FOXP1: variants seen among roughly 807,000 people sequenced by gnomAD.
FOXP1 encodes forkhead box protein P1.
In FOXP1, 15 loss-of-function variants were observed where a neutral mutation model predicts 98.2. That is an observed-to-expected ratio of 0.15 (90% CI 0.10 to 0.24). The LOEUF (loss-of-function observed/expected upper bound fraction) is 0.24. Among genes scored for constraint, FOXP1 ranks in the 10% least tolerant of loss-of-function variants. The pLI, the probability that FOXP1 is intolerant of heterozygous loss-of-function variation, is 1.00. For missense variants in FOXP1, 633 were observed against 848.5 expected, an observed-to-expected ratio of 0.75 and a Z score of 3.15; for synonymous variants, 371 against 314.5, an observed-to-expected ratio of 1.18 and a Z score of -1.90.
chr3:71,163,291 AAGTCAGC>A (rs1343297580), intron 6 of FOXP1, among the ~76,000 whole-genome samples: 1 of 152,228 alleles, frequency 6.6e-6, no homozygotes, highest in Non-Finnish European at 1.5e-5. Context: ...GTGGACAAAT[AAGTCAGC>A]AGCAAAAATT....
intron 5 of FOXP1, among the ~76,000 whole-genome samples, chr3:71,203,096 C>A (rs954022243): frequency 3.7e-4 from 57 of 152,172 alleles, no homozygotes; most frequent in African/African-American, 1.4e-3. Flanking sequence ...TATGGCCACA[C>A]CATACCCACA....
intron 2 of FOXP1, among the ~76,000 whole-genome samples, chr3:71,497,288 C>A (rs1194247806): frequency 1.3e-5 from 2 of 152,082 alleles, no homozygotes; most frequent in African/African-American, 4.8e-5. Flanking sequence ...AAGTTTATCA[C>A]CTCTCTATAA....
At chr3:71,350,226 C>T (rs1251850923) in intron 4 of FOXP1, among the ~76,000 whole-genome samples, 1 of 152,144 alleles carries the variant, frequency 6.6e-6, no homozygotes, top group African/African-American at 2.4e-5. Context: ...TTTCCTGGGT[C>T]ATTCAAAAGC....
At position 70,955,454 on chromosome 3, in the gene FOXP1, G is replaced by A. The variant is rs1025118662; in HGVS notation, c.*3793C>T. 1.5e-4 allele frequency: 34 copies of A among 232,666 alleles called. No individual in the cohort carries two copies. The highest frequency in any genetic ancestry group is 2.2e-4 in the African/African-American group (10 of 45,242). The allele number at this position is 232,666 out of a possible 1,614,324, so 14.4% of individuals were successfully genotyped here. Reference sequence around the variant, plus strand: ...GACGGACTCTAGGGACAGGTAGGTTGGATCCTCATTCCTGACAGTGCATTT... The same window carrying A: ...GACGGACTCTAGGGACAGGTAGGTTAGATCCTCATTCCTGACAGTGCATTT... On this transcript the variant is annotated 3_prime_UTR_variant, in exon 21 of 21. Transcript: ENST00000649528.
chr3:71,030,280 T>C (rs1025062048), intron 11 of FOXP1, among the ~76,000 whole-genome samples: 1 of 152,222 alleles, frequency 6.6e-6, no homozygotes, highest in Non-Finnish European at 1.5e-5. Context: ...GTATGGTCCA[T>C]AACGCAGCCA....
At chr3:71,103,695 G>C (rs922313497) in intron 7 of FOXP1, among the ~76,000 whole-genome samples, 1 of 152,094 alleles carries the variant, frequency 6.6e-6, no homozygotes, top group African/African-American at 2.4e-5. Context: ...TAGCAAGGTG[G>C]GGGGAGGGAA....
chr3:71,354,980 A>G (rs1445443490), intron 4 of FOXP1, among the ~76,000 whole-genome samples: 8 of 152,210 alleles, frequency 5.3e-5, no homozygotes. Flanking sequence ...ACCACCCACA[A>G]TATCCTTCAG....
intron 6 of FOXP1, among the ~76,000 whole-genome samples, chr3:71,115,154 A>C (rs993187595): frequency 3.3e-5 from 5 of 152,058 alleles, no homozygotes; most frequent in Admixed American, 2.6e-4. Flanking sequence ...ACTATAGATG[A>C]CAGTGCAGAG....
intron 7 of FOXP1, among the ~76,000 whole-genome samples, chr3:71,077,844 T>C (rs2053969682): frequency 6.6e-6 from 1 of 152,026 alleles, no homozygotes; most frequent in Non-Finnish European, 1.5e-5. Flanking sequence ...ATATTTTTTT[T>C]TTTTTGAGAT....
At chr3:71,090,052 AAAAG>A (rs2107594057) in intron 7 of FOXP1, among the ~76,000 whole-genome samples, 1 of 152,328 alleles carries the variant, frequency 6.6e-6, no homozygotes, top group South Asian at 2.1e-4. Context: ...TTTGCAAAGA[AAAAG>A]AAAGCCTTCA....
chr3:71,175,114 A>C (rs1305574758), intron 6 of FOXP1, among the ~76,000 whole-genome samples: 1 of 151,996 alleles, frequency 6.6e-6, no homozygotes, highest in African/African-American at 2.4e-5. Flanking sequence ...AGGTTTCACT[A>C]TATTGGCCAG....
intron 3 of FOXP1, chr3:71,360,560 T>C (rs1016272293): frequency 9.9e-5 from 15 of 152,180 alleles, no homozygotes; most frequent in African/African-American, 3.1e-4. Flanking sequence ...TTTTTGCGAA[T>C]AGCTGTCAGT....
intron 9 of FOXP1, among the ~76,000 whole-genome samples, chr3:71,052,048 T>G (rs1265295919): frequency 6.6e-6 from 1 of 152,196 alleles, no homozygotes; most frequent in African/African-American, 2.4e-5. Flanking sequence ...AGGAAGAAGT[T>G]AAACAAAAGA....
intron 7 of FOXP1, among the ~76,000 whole-genome samples, chr3:71,072,584 G>C (rs961390371): frequency 6.6e-6 from 1 of 152,206 alleles, no homozygotes; most frequent in East Asian, 1.9e-4. Context: ...GGATTTAGTT[G>C]AGGGGGGTCA....
At chr3:71,547,685 C>A (rs2107651106) in intron 2 of FOXP1, among the ~76,000 whole-genome samples, 1 of 152,310 alleles carries the variant, frequency 6.6e-6, no homozygotes, top group South Asian at 2.1e-4. Context: ...TTAGTCCTGG[C>A]ACAATTACCT....
At chr3:71,412,725 C>A (rs375983158) in intron 3 of FOXP1, among the ~76,000 whole-genome samples, 3 of 152,204 alleles carry the variant, frequency 2.0e-5, no homozygotes, top group African/African-American at 4.8e-5. Flanking sequence ...CCCTTCACAT[C>A]TTGTGAACTC....
rs141789247 is a variant in FOXP1 at position 71,368,370 on chromosome 3, G to T, written c.-167-9126C>A. 1.3e-4 allele frequency among the ~76,000 whole-genome samples: 20 copies of T among 152,182 alleles called. No individual in the cohort carries two copies. The East Asian group carries it at 3.9e-3, about 29-fold the overall frequency. ...CGAACTTCCTGACCTCAAGTGATCC[G>T]CCTGCTTTGGCCTCCCAAAGTGCTG... On this transcript the variant is annotated intron_variant, in intron 3 of 20. Coordinates refer to ENST00000649528, the MANE Select transcript of FOXP1 (RefSeq NM_001349338.3).
At chr3:71,275,367 T>C (rs1047760530) in intron 5 of FOXP1, among the ~76,000 whole-genome samples, 4 of 152,168 alleles carry the variant, frequency 2.6e-5, no homozygotes, top group Non-Finnish European at 5.9e-5. Flanking sequence ...GTTATAACCA[T>C]GAACACAGGC....
intron 3 of FOXP1, among the ~76,000 whole-genome samples, chr3:71,453,549 G>A (rs1450385629): frequency 6.6e-6 from 1 of 152,090 alleles, no homozygotes; most frequent in East Asian, 1.9e-4. Context: ...TGGTACTGAT[G>A]GACACATAAA....
Sources: gnomAD v4.1 joint callset for allele counts (sites outside exome capture counted in the v4.1 genomes callset) on GRCh38, gnomAD v4.1.1 for gene constraint, MANE v1.5 for transcripts, NCBI Gene and HGNC (gene_info 2026-07-23, HGNC 2026-07-21) for gene names.